USP34: variants seen among roughly 807,000 people sequenced by gnomAD.
USP34 encodes the protein ubiquitin specific peptidase 34.
Under a neutral mutation model 460.3 loss-of-function variants are expected in USP34, and 70 were observed. That is an observed-to-expected ratio of 0.15 (90% CI 0.13 to 0.19). USP34 has a LOEUF of 0.19. Ranked by LOEUF, USP34 falls within the 10% of genes least tolerant of loss-of-function variation. The pLI is 1.00. For missense variants in USP34, 3,985 were observed against 4,236.2 expected, an observed-to-expected ratio of 0.94 and a Z score of 1.65; for synonymous variants, 1,647 against 1,405.3, an observed-to-expected ratio of 1.17 and a Z score of -3.85.
rs1272164692 is a variant in USP34, at chr2:61,311,811, T to G, written c.3642A>C (p.Val1214=). 1 of 1,613,920 alleles carries G rather than the reference T, an allele frequency of 6.2e-7. No individual in the cohort carries two copies. Among genetic ancestry groups the G allele is most frequent in the Admixed American group, 1.7e-5 (1 of 59,988 alleles). ...TGTCAGGAAGTCCAGCTGGCTGGCA[T>G]ACAACCCTTAGCGGCAGAGACTGTT... The part of the protein sequence containing the change: ...SDKQSLPLRV[V]CQPAGLPDKM... The change falls in exon 26 of 80, where the codon GTA becomes GTC. Residue 1214 remains valine (V), a synonymous_variant. Coordinates refer to ENST00000398571, the MANE Select transcript of USP34 (RefSeq NM_014709.4).
At chr2:61,365,784 G>A (rs914360075) in intron 10 of USP34, among the ~76,000 whole-genome samples, 4 of 152,014 alleles carry the variant, frequency 2.6e-5, no homozygotes, top group African/African-American at 9.7e-5. Context: ...CTGGGAGGTG[G>A]AAAATGAGAA....
chr2:61,308,365 A>G (rs1264742627), intron 27 of USP34, among the ~76,000 whole-genome samples: 1 of 152,176 alleles, frequency 6.6e-6, no homozygotes, highest in Admixed American at 6.5e-5. Context: ...TATTAAAAGC[A>G]TGACAGTAGA....
rs1691524130 is a variant in USP34 at position 61,339,620 on chromosome 2, A to G, written c.2562T>C (p.Asn854=). The G allele has an allele frequency of 6.3e-7, 1 of 1,582,554 alleles. No homozygotes were observed. The highest frequency in any genetic ancestry group is 8.5e-7 in the Non-Finnish European group (1 of 1,170,152). Residue 854 remains asparagine, a synonymous_variant, in exon 17 of 80, where the codon AAT becomes AAC. Transcript: ENST00000398571. ...ACAAAGTATTTCCTTTCTTGCAAAC[A>G]TTATCCAAATTAATGTCTGTAACAG... is the stretch of plus-strand genomic sequence containing the variant. ...SNAVTDINLD[N]VCKKGNTLLW...
chr2:61,344,109 A>C (rs1252970086), intron 15 of USP34, 80 bp from the exon 16 acceptor site: 16 of 1,335,790 alleles, frequency 1.2e-5, no homozygotes, highest in Admixed American at 3.9e-5. Context: ...ACCTCTCTTA[A>C]ACTTACAAAT....
intron 29 of USP34, among the ~76,000 whole-genome samples, chr2:61,298,373 A>AAC (rs1553366000): frequency 5.6e-4 from 80 of 142,264 alleles, no homozygotes; most frequent in Middle Eastern, 7.1e-3. Flanking sequence ...ACAAAAAAAA[A>AAC]AAAAAAAAAA....
chr2:61,204,882 A>AT (rs530661932), intron 72 of USP34, among the ~76,000 whole-genome samples: 14 of 151,420 alleles, frequency 9.2e-5, no homozygotes, highest in East Asian at 3.9e-4. Flanking sequence ...ACAGTGAGGG[A>AT]TTTTTTTTTG....
chr2:61,390,866 G>T (rs964243758), intron 5 of USP34, among the ~76,000 whole-genome samples: 3 of 151,982 alleles, frequency 2.0e-5, no homozygotes, highest in Non-Finnish European at 2.9e-5. Context: ...GGAGGCTGAG[G>T]TGGGGGCATC....
chr2:61,314,027 A>T (rs1167197462), intron 25 of USP34, among the ~76,000 whole-genome samples: 2 of 152,066 alleles, frequency 1.3e-5, no homozygotes, highest in African/African-American at 4.8e-5. Flanking sequence ...TATATTCATA[A>T]ATATTAATTT....
intron 18 of USP34, among the ~76,000 whole-genome samples, chr2:61,335,209 T>C (rs1691381041): frequency 6.6e-6 from 1 of 152,202 alleles, no homozygotes; most frequent in Non-Finnish European, 1.5e-5. Flanking sequence ...TAAAACTCGT[T>C]CCAATAAAGA....
intron 42 of USP34, 46 bp downstream of exon 42, chr2:61,265,938 C>A: frequency 6.7e-7 from 1 of 1,483,700 alleles, no homozygotes; most frequent in Non-Finnish European, 9.0e-7. Flanking sequence ...AATCTTATTT[C>A]TGAATTCAAA....
chr2:61,263,875 A>G (rs1052407460), intron 43 of USP34, among the ~76,000 whole-genome samples: 1 of 152,172 alleles, frequency 6.6e-6, no homozygotes, highest in African/African-American at 2.4e-5. Context: ...TTCTGCTTGT[A>G]AATTTAGTTT....
chr2:61,259,904 C>T, intron 43 of USP34, 128 bp from the exon 44 acceptor site: 1 of 699,282 alleles, frequency 1.4e-6, no homozygotes, highest in East Asian at 2.7e-5. Flanking sequence ...AAAAGAAAAA[C>T]ACCAACACAT....
intron 8 of USP34, 100 bp from the exon 9 acceptor site, chr2:61,370,679 G>A (rs1211634254): frequency 3.3e-6 from 3 of 899,430 alleles, no homozygotes; most frequent in Non-Finnish European, 5.1e-6. Context: ...GTTCCTATAG[G>A]AATTATAAAG....
At chr2:61,302,763 T>C (rs912620560) in intron 27 of USP34, among the ~76,000 whole-genome samples, 4 of 152,200 alleles carry the variant, frequency 2.6e-5, no homozygotes, top group Non-Finnish European at 5.9e-5. Context: ...GAAGTTCAAC[T>C]TTCTATTATC....
intron 5 of USP34, among the ~76,000 whole-genome samples, chr2:61,390,527 TA>T (rs1216790344): frequency 4.6e-5 from 7 of 152,248 alleles, no homozygotes; most frequent in Non-Finnish European, 8.8e-5. Context: ...GTGCAGCTGT[TA>T]TTAAAGAACG....
intron 43 of USP34, among the ~76,000 whole-genome samples, chr2:61,263,402 G>A (rs35880979): frequency 0.54 from 81,945 of 151,094 alleles, 23,170 homozygotes; most frequent in African/African-American, 0.71. Context: ...GCTGGTCTCA[G>A]ACTCCTGACC....
At chr2:61,334,076 A>T in intron 18 of USP34, 105 bp from the exon 19 acceptor site, 1 of 717,864 alleles carries the variant, frequency 1.4e-6, no homozygotes, top group Non-Finnish European at 2.1e-6. Flanking sequence ...TCTTGCATAG[A>T]GACATATTAT....
intron 20 of USP34, among the ~76,000 whole-genome samples, chr2:61,328,071 G>A (rs1262006148): frequency 6.6e-6 from 1 of 152,054 alleles, no homozygotes; most frequent in Admixed American, 6.6e-5. Flanking sequence ...CGGAGGCGGA[G>A]GCGGGTGGAT....
chr2:61,215,085 T>C (rs1687360408), intron 67 of USP34, among the ~76,000 whole-genome samples: 1 of 152,232 alleles, frequency 6.6e-6, no homozygotes, highest in Non-Finnish European at 1.5e-5. Context: ...TCATTCAATG[T>C]TCTACAGTCT....
Sources: gnomAD v4.1 joint callset for allele counts (sites outside exome capture counted in the v4.1 genomes callset) on GRCh38, gnomAD v4.1.1 for gene constraint, MANE v1.5 for transcripts, NCBI Gene and HGNC (gene_info 2026-07-23, HGNC 2026-07-21) for gene names.